Variants in IQCM observed in about 807,000 individuals in gnomAD.
IQCM encodes the protein IQ motif containing M, also known as IQ domain-containing protein M.
In IQCM, 45 loss-of-function variants were observed where a neutral mutation model predicts 57.6. That is an observed-to-expected ratio of 0.78 (90% CI 0.62 to 1.00). The LOEUF is 1.00. IQCM is among the 50% of genes least tolerant of loss of function. The pLI, the probability that IQCM is intolerant of heterozygous loss-of-function variation, is 0.00. For synonymous variants in IQCM, 148 were observed against 158.9 expected (o/e 0.93, Z 0.51); for missense variants, 468 against 511.6 (o/e 0.91, Z 0.82).
intron 5 of IQCM, among the ~76,000 whole-genome samples, chr4:149,716,200 C>T (rs979483778): frequency 3.9e-5 from 6 of 152,334 alleles, no homozygotes; most frequent in South Asian, 2.1e-4. Flanking sequence ...AGTCCCACAC[C>T]GAGCTGCCTT....
chr4:149,790,883 C>T (rs1309178719), intron 2 of IQCM, among the ~76,000 whole-genome samples: 2 of 151,692 alleles, frequency 1.3e-5, no homozygotes, highest in Non-Finnish European at 2.9e-5. Flanking sequence ...CAAATGTTTA[C>T]TGCTGCATTT....
intron 7 of IQCM, among the ~76,000 whole-genome samples, chr4:149,680,991 G>A (rs1374996627): frequency 6.6e-6 from 1 of 151,294 alleles, no homozygotes; most frequent in Non-Finnish European, 1.5e-5. Context: ...TCCTCTGCAA[G>A]ATGATGACAC....
At chr4:149,797,250 C>G (rs1773192009) in intron 2 of IQCM, among the ~76,000 whole-genome samples, 1 of 152,040 alleles carries the variant, frequency 6.6e-6, no homozygotes, top group African/African-American at 2.4e-5. Context: ...AGTAGAAATT[C>G]TGGAGCTGAA....
chr4:149,577,754 A>G (rs772124267), intron 9 of IQCM, among the ~76,000 whole-genome samples: 80 of 152,046 alleles, frequency 5.3e-4, no homozygotes, highest in Admixed American at 7.9e-4. Context: ...AGTTTTTTCT[A>G]ATTCTGTGAA....
chr4:149,533,159 G>C (rs1489740093), intron 12 of IQCM, among the ~76,000 whole-genome samples: 2 of 152,060 alleles, frequency 1.3e-5, no homozygotes, highest in African/African-American at 4.8e-5. Context: ...AAAATGAGAG[G>C]AATAGGAGCT....
At chr4:149,436,055 A>T (rs954360953) in intron 12 of IQCM, among the ~76,000 whole-genome samples, 8 of 152,244 alleles carry the variant, frequency 5.3e-5, no homozygotes, top group African/African-American at 1.9e-4. Flanking sequence ...AGTCTACAGT[A>T]GTGTACAGTC....
chr4:149,680,651 T>G (rs556886567), intron 7 of IQCM, among the ~76,000 whole-genome samples: 5 of 151,560 alleles, frequency 3.3e-5, no homozygotes, highest in Admixed American at 6.6e-5. Context: ...TTAGCTTCTA[T>G]GAAGTTATGG....
chr4:149,447,047 G>C (rs1220087516), intron 12 of IQCM, among the ~76,000 whole-genome samples: 1 of 151,460 alleles, frequency 6.6e-6, no homozygotes, highest in African/African-American at 2.4e-5. Flanking sequence ...ACTGGAATAT[G>C]AGACAGAGAG....
At chr4:149,478,081 T>G (rs1223909925) in intron 12 of IQCM, among the ~76,000 whole-genome samples, 1 of 152,174 alleles carries the variant, frequency 6.6e-6, no homozygotes, top group Non-Finnish European at 1.5e-5. Flanking sequence ...ACACCTAAAA[T>G]TACTTAGAAT....
rs541853075 is a variant in IQCM, at chr4:149,556,577, C to CA, written c.949-3291dup. On this transcript the variant is annotated intron_variant, in intron 10 of 13. Coordinates refer to ENST00000636793, the MANE Select transcript of IQCM (RefSeq NM_001363507.2). Reference sequence around the variant, plus strand: ...TCTAAGCATTTAGGTATGAAAATATCAAAAAAATCTTTATTCAAAAGCCTT... The same window carrying CA: ...TCTAAGCATTTAGGTATGAAAATATCAAAAAAAATCTTTATTCAAAAGCCTT... Among the ~76,000 whole-genome samples the CA allele has an allele frequency of 1.6e-3, 238 of 147,510 alleles. 1 individual carries two copies. The highest frequency in any genetic ancestry group is 5.6e-3 in the African/African-American group (229 of 40,994).
At chr4:149,573,936 G>A (rs1028521136) in intron 9 of IQCM, among the ~76,000 whole-genome samples, 4 of 151,908 alleles carry the variant, frequency 2.6e-5, no homozygotes, top group South Asian at 2.1e-4. Flanking sequence ...CAACAGAAAC[G>A]TTGGTATTGA....
intron 5 of IQCM, among the ~76,000 whole-genome samples, chr4:149,722,829 A>AG (rs1765568245): frequency 6.6e-6 from 1 of 151,858 alleles, no homozygotes; most frequent in Non-Finnish European, 1.5e-5. Flanking sequence ...TGTGGGAAAA[A>AG]AAAGATATTA....
chr4:149,613,356 T>A (rs1407946308), intron 8 of IQCM, among the ~76,000 whole-genome samples: 1 of 152,098 alleles, frequency 6.6e-6, no homozygotes, highest in East Asian at 1.9e-4. Context: ...ACAGTACAAT[T>A]TGGTAAGGAA....
intron 8 of IQCM, among the ~76,000 whole-genome samples, chr4:149,588,674 C>T: frequency 6.6e-6 from 1 of 151,872 alleles, no homozygotes. Flanking sequence ...AGATGGCCAT[C>T]TTCAAGCCAA....
At chr4:149,747,217 C>A (rs1188657779) in intron 2 of IQCM, among the ~76,000 whole-genome samples, 1 of 152,076 alleles carries the variant, frequency 6.6e-6, no homozygotes, top group East Asian at 1.9e-4. Flanking sequence ...GAACAAGTTC[C>A]AATGAGGGCC....
intron 13 of IQCM, among the ~76,000 whole-genome samples, chr4:149,396,147 A>T (rs1017109897): frequency 2.0e-5 from 3 of 151,890 alleles, no homozygotes; most frequent in African/African-American, 7.2e-5. Flanking sequence ...AAAATCGAAA[A>T]ATACTACAAA....
chr4:149,721,207 A>G (rs1765421354), intron 5 of IQCM, among the ~76,000 whole-genome samples: 1 of 152,192 alleles, frequency 6.6e-6, no homozygotes, highest in Non-Finnish European at 1.5e-5. Context: ...AGGTATCATA[A>G]GTAATCTCAA....
At chr4:149,352,766 C>A (rs1372087168) in intron 13 of IQCM, among the ~76,000 whole-genome samples, 1 of 152,074 alleles carries the variant, frequency 6.6e-6, no homozygotes, top group Non-Finnish European at 1.5e-5. Context: ...TTAACATAAA[C>A]CACTATTCAT....
At chr4:149,671,689 A>G (rs1044611389) in intron 7 of IQCM, among the ~76,000 whole-genome samples, 14 of 151,960 alleles carry the variant, frequency 9.2e-5, no homozygotes, top group Non-Finnish European at 2.1e-4. Context: ...CTTTGTTCTC[A>G]TTGGTTTCAA....
Sources: gnomAD v4.1 joint callset for allele counts (sites outside exome capture counted in the v4.1 genomes callset) on GRCh38, gnomAD v4.1.1 for gene constraint, MANE v1.5 for transcripts, NCBI Gene and HGNC (gene_info 2026-07-23, HGNC 2026-07-21) for gene names.